FOXP1: variants seen among roughly 807,000 people sequenced by gnomAD.
FOXP1 encodes forkhead box protein P1.
Under a neutral mutation model 98.2 loss-of-function variants are expected in FOXP1, and 15 were observed. That is an observed-to-expected ratio of 0.15 (90% CI 0.10 to 0.24). FOXP1 has a LOEUF of 0.24. Ranked by LOEUF, FOXP1 falls within the 10% of genes least tolerant of loss-of-function variation. FOXP1 has a pLI of 1.00. For missense variants in FOXP1, 633 were observed against 848.5 expected (o/e 0.75, Z 3.15); for synonymous variants, 371 against 314.5 (o/e 1.18, Z -1.90).
At chr3:71,549,771 C>G (rs1169266244) in intron 2 of FOXP1, among the ~76,000 whole-genome samples, 1 of 142,004 alleles carries the variant, frequency 7.0e-6, no homozygotes, top group Non-Finnish European at 1.5e-5. Flanking sequence ...ACTGTAACAT[C>G]AAATCATCAC....
chr3:71,139,252 T>A (rs974145816), intron 6 of FOXP1, among the ~76,000 whole-genome samples: 3 of 152,138 alleles, frequency 2.0e-5, no homozygotes, highest in African/African-American at 7.2e-5. Context: ...GCTCACACTG[T>A]CTGAATTAAA....
chr3:71,522,524 A>C (rs969196231), intron 2 of FOXP1, among the ~76,000 whole-genome samples: 1 of 152,170 alleles, frequency 6.6e-6, no homozygotes, highest in African/African-American at 2.4e-5. Context: ...CCTGATTCTC[A>C]GCGTCTTCTT....
chr3:70,985,665 C>G (rs2039614757), intron 14 of FOXP1, among the ~76,000 whole-genome samples: 2 of 151,926 alleles, frequency 1.3e-5, no homozygotes, highest in African/African-American at 2.4e-5. Flanking sequence ...TGAAGGGAAC[C>G]ACTTTTCATA....
At chr3:71,240,971 G>A (rs1465165347) in intron 5 of FOXP1, among the ~76,000 whole-genome samples, 1 of 151,744 alleles carries the variant, frequency 6.6e-6, no homozygotes, top group East Asian at 2.0e-4. Context: ...AGCACTTTGG[G>A]AGGCTTAGGC....
chr3:71,422,333 T>C (rs1577413671), intron 3 of FOXP1, among the ~76,000 whole-genome samples: 1 of 152,342 alleles, frequency 6.6e-6, no homozygotes, highest in African/African-American at 2.4e-5. Flanking sequence ...AATGTTCTAG[T>C]GCTCCTTAAA....
At chr3:71,424,112 A>G (rs1038851728) in intron 3 of FOXP1, among the ~76,000 whole-genome samples, 1 of 152,154 alleles carries the variant, frequency 6.6e-6, no homozygotes, top group Non-Finnish European at 1.5e-5. Context: ...TTCTAATGCT[A>G]ACATTTCTGC....
At chr3:70,968,026 A>ATGAG (rs2035325996) in intron 19 of FOXP1, among the ~76,000 whole-genome samples, 1 of 152,096 alleles carries the variant, frequency 6.6e-6, no homozygotes, top group African/African-American at 2.4e-5. Context: ...CTTTCTTGGG[A>ATGAG]TGAGTATTTA....
chr3:71,217,509 TA>T (rs538283424), intron 5 of FOXP1, among the ~76,000 whole-genome samples: 64 of 152,282 alleles, frequency 4.2e-4, no homozygotes, highest in African/African-American at 1.5e-3. Context: ...TCATAAATAC[TA>T]CCAAACTGAG....
At chr3:71,020,679 C>T (rs1182591565) in intron 11 of FOXP1, among the ~76,000 whole-genome samples, 1 of 152,190 alleles carries the variant, frequency 6.6e-6, no homozygotes, top group Non-Finnish European at 1.5e-5. Flanking sequence ...CATTTCCTGC[C>T]AACTGAAATG....
intron 6 of FOXP1, among the ~76,000 whole-genome samples, chr3:71,136,286 C>G (rs564369209): frequency 6.6e-6 from 1 of 152,280 alleles, no homozygotes; most frequent in South Asian, 2.1e-4. Flanking sequence ...GCTACCCTTT[C>G]CTGTTATTGA....
In FOXP1 at chr3:71,041,698, G is replaced by A. The variant is rs533812573; in HGVS notation, c.665-166C>T. 9.2e-5 allele frequency among the ~76,000 whole-genome samples: 14 copies of A among 152,258 alleles called. 1 individual carries two copies. The East Asian group carries it at 2.7e-3, about 29-fold the overall frequency. ...ACTACGGCAGATGCGGTAGTAAAAA[G>A]TGTGTCCTCTTACCGAGCAACTGAG... On this transcript the variant is annotated intron_variant, in intron 10 of 20. Transcript: ENST00000649528.
intron 5 of FOXP1, among the ~76,000 whole-genome samples, chr3:71,266,246 A>C (rs1015145080): frequency 1.3e-5 from 2 of 149,836 alleles, no homozygotes; most frequent in Admixed American, 1.3e-4. Context: ...TATTTTTTTA[A>C]ATTTGTTTAT....
chr3:71,274,402 C>T (rs1046625230), intron 5 of FOXP1, among the ~76,000 whole-genome samples: 2 of 152,076 alleles, frequency 1.3e-5, no homozygotes, highest in African/African-American at 2.4e-5. Flanking sequence ...TTCTCTGCAC[C>T]CCTTGGAGCA....
intron 2 of FOXP1, among the ~76,000 whole-genome samples, chr3:71,497,929 T>C (rs907216335): frequency 1.3e-5 from 2 of 152,212 alleles, no homozygotes; most frequent in African/African-American, 4.8e-5. Context: ...GAAACATTAA[T>C]TGTGCCATAT....
intron 6 of FOXP1, among the ~76,000 whole-genome samples, chr3:71,117,448 C>G (rs1161306967): frequency 6.6e-6 from 1 of 152,062 alleles, no homozygotes; most frequent in Non-Finnish European, 1.5e-5. Context: ...ATAACAATAT[C>G]TCAACCACAA....
chr3:70,955,357 T>A lies in FOXP1; in HGVS notation c.*3890A>T, dbSNP rs1419651457. 1 of 232,848 alleles carries A rather than the reference T, an allele frequency of 4.3e-6. No homozygotes were observed. Among genetic ancestry groups the A allele is most frequent in the Non-Finnish European group, 8.5e-6 (1 of 117,864 alleles). 14.4% of individuals were successfully genotyped at this position (232,848 alleles called of 1,614,324 possible). ...AAGGTGGCAGGACTGGTGGTAACTC[T>A]TCACGTATGTACATAAGCCTTGATA... On this transcript the variant is annotated 3_prime_UTR_variant, in exon 21 of 21. Coordinates refer to ENST00000649528, the MANE Select transcript of FOXP1 (RefSeq NM_001349338.3).
At chr3:71,439,709 C>T (rs1478204672) in intron 3 of FOXP1, among the ~76,000 whole-genome samples, 10 of 152,060 alleles carry the variant, frequency 6.6e-5, no homozygotes, top group Non-Finnish European at 1.0e-4. Context: ...TTTGGGAGGC[C>T]GAGGTAGGCA....
chr3:71,497,811 T>C (rs939573118), intron 2 of FOXP1, among the ~76,000 whole-genome samples: 8 of 152,156 alleles, frequency 5.3e-5, no homozygotes, highest in African/African-American at 1.7e-4. Flanking sequence ...GCCCCAGAAG[T>C]ACCTTGGCCC....
intron 4 of FOXP1, among the ~76,000 whole-genome samples, chr3:71,316,345 G>A (rs6780738): frequency 0.21 from 31,590 of 152,038 alleles, 3,470 homozygotes; most frequent in African/African-American, 0.23. Context: ...CCTGCTCCAG[G>A]GCTAGAGCTA....
Sources: gnomAD v4.1 joint callset for allele counts (sites outside exome capture counted in the v4.1 genomes callset) on GRCh38, gnomAD v4.1.1 for gene constraint, MANE v1.5 for transcripts, NCBI Gene and HGNC (gene_info 2026-07-23, HGNC 2026-07-21) for gene names.